SCFD2: variants seen among roughly 807,000 people sequenced by gnomAD.
The protein encoded by SCFD2 is sec1 family domain containing 2.
In SCFD2, 54 loss-of-function variants were observed where a neutral mutation model predicts 58.9. The ratio of observed to expected loss-of-function variants is 0.92; its 90% CI spans 0.74 to 1.15. The LOEUF is 1.15. Ranked by LOEUF, SCFD2 falls within the 50% of genes most tolerant of loss-of-function variation. The probability of loss-of-function intolerance (pLI) is 0.00; values close to 1 mark genes in which losing one functional copy is unlikely to be tolerated. For missense variants in SCFD2, 805 were observed against 836.6 expected, an observed-to-expected ratio of 0.96 and a Z score of 0.47; for synonymous variants, 321 against 335.9, an observed-to-expected ratio of 0.96 and a Z score of 0.49.
intron 4 of SCFD2, among the ~76,000 whole-genome samples, chr4:53,237,813 CA>C (rs1729700729): frequency 9.4e-5 from 2 of 21,170 alleles, no homozygotes; most frequent in African/African-American, 4.1e-4. Context: ...GCTGGCCGGG[CA>C]GAGGGGCTCC....
intron 5 of SCFD2, among the ~76,000 whole-genome samples, chr4:53,024,280 T>C (rs1722418686): frequency 6.6e-6 from 1 of 152,180 alleles, no homozygotes; most frequent in African/African-American, 2.4e-5. Flanking sequence ...TGGCTCAATC[T>C]TTTCTTATTT....
At chr4:53,216,410 C>G (rs9683477) in intron 4 of SCFD2, among the ~76,000 whole-genome samples, 19,886 of 152,150 alleles carry the variant, frequency 0.13, 1,437 homozygotes, top group East Asian at 0.23. Context: ...TCCATTTCTT[C>G]TAGATTTTCT....
chr4:53,069,349 A>C (rs1361033337), intron 5 of SCFD2, among the ~76,000 whole-genome samples: 1 of 152,066 alleles, frequency 6.6e-6, no homozygotes, highest in Non-Finnish European at 1.5e-5. Flanking sequence ...CTGCAATTCT[A>C]ATTCACATTA....
chr4:53,017,876 A>T (rs550623786), intron 5 of SCFD2, among the ~76,000 whole-genome samples: 3 of 142,782 alleles, frequency 2.1e-5, no homozygotes, highest in Admixed American at 7.1e-5. Flanking sequence ...CTGGTAGGTC[A>T]TTCCCCAAAG....
Position 53,299,926 on chromosome 4 carries a change from C to T in SCFD2, c.1135+13710G>A, listed in dbSNP as rs563375267. ...AGATTTTTGTCACCACCAAGCCTGC[C>T]CTAAAAGAGCTCCTGAAGGAAGCAC... On this transcript the variant is annotated intron_variant, in intron 3 of 8. Transcript: ENST00000401642. Among the ~76,000 whole-genome samples, 3 of 152,258 alleles carry T rather than the reference C, an allele frequency of 2.0e-5. No individual in the cohort carries two copies. In the South Asian group the frequency reaches 6.2e-4, roughly 32 times the overall value.
At chr4:53,180,130 T>G (rs910589641) in intron 4 of SCFD2, among the ~76,000 whole-genome samples, 5 of 152,200 alleles carry the variant, frequency 3.3e-5, no homozygotes, top group Non-Finnish European at 5.9e-5. Context: ...GGAATTGAAC[T>G]CAGCTCTGCA....
intron 5 of SCFD2, among the ~76,000 whole-genome samples, chr4:53,066,510 T>G (rs530383044): frequency 6.6e-6 from 1 of 152,228 alleles, no homozygotes; most frequent in East Asian, 1.9e-4. Flanking sequence ...ACAGATTTTA[T>G]GGTGAAACAA....
rs546617367 is a variant in SCFD2, at chr4:53,311,929, C to T, written c.1135+1707G>A. Among the ~76,000 whole-genome samples the T allele has an allele frequency of 2.6e-5, 4 of 152,158 alleles. No homozygotes were observed. In the South Asian group the frequency reaches 6.2e-4, roughly 24 times the overall value. On this transcript the variant is annotated intron_variant, in intron 3 of 8. Coordinates refer to ENST00000401642, the MANE Select transcript of SCFD2 (RefSeq NM_152540.4). Reference sequence around the variant, plus strand: ...GATTATAGTCGAGAGCCACTGCGTCCGGCCGATTCACAATATTAATTAGTT... The same window carrying T: ...GATTATAGTCGAGAGCCACTGCGTCTGGCCGATTCACAATATTAATTAGTT...
At chr4:52,944,407 C>T (rs1720369860) in intron 5 of SCFD2, among the ~76,000 whole-genome samples, 1 of 152,084 alleles carries the variant, frequency 6.6e-6, no homozygotes, top group African/African-American at 2.4e-5. Context: ...ATATCTGGGA[C>T]TTAAGAGAAG....
At chr4:53,289,587 A>G (rs1731774419) in intron 3 of SCFD2, among the ~76,000 whole-genome samples, 1 of 152,142 alleles carries the variant, frequency 6.6e-6, no homozygotes, top group African/African-American at 2.4e-5. Context: ...AAACAACCAG[A>G]AAACAATTAA....
chr4:53,034,889 G>T (rs1158963839), intron 5 of SCFD2, among the ~76,000 whole-genome samples: 2 of 152,120 alleles, frequency 1.3e-5, no homozygotes, highest in African/African-American at 4.8e-5. Context: ...TGTGAAAATG[G>T]CCATACTGCC....
chr4:53,138,440 T>C (rs1726007899), intron 5 of SCFD2, among the ~76,000 whole-genome samples: 1 of 152,254 alleles, frequency 6.6e-6, no homozygotes, highest in South Asian at 2.1e-4. Context: ...AATGGTTTTC[T>C]TTGTTTTCTC....
Position 52,873,174 on chromosome 4 carries a change from C to G in SCFD2, c.*795G>C, listed in dbSNP as rs574178646. 1 of 152,186 alleles carries G rather than the reference C, an allele frequency of 6.6e-6. No individual in the cohort carries two copies. Among genetic ancestry groups the G allele is most frequent in the Non-Finnish European group, 1.5e-5 (1 of 68,018 alleles). 9.4% of individuals were successfully genotyped at this position (152,186 alleles called of 1,614,324 possible). ...TTACAGAAAAGAAAGCTTTATATTT[C>G]AATCAAAACTCATACCCACAAAGTC... On this transcript the variant is annotated 3_prime_UTR_variant, in exon 9 of 9. Transcript: ENST00000401642.
intron 6 of SCFD2, among the ~76,000 whole-genome samples, chr4:52,913,386 A>T (rs1719531607): frequency 6.6e-6 from 1 of 152,070 alleles, no homozygotes; most frequent in Non-Finnish European, 1.5e-5. Context: ...TTCTCCTAGG[A>T]TCACAAACCC....
Position 53,340,377 on chromosome 4 carries a change from T to A in SCFD2, c.1007+12221A>T, listed in dbSNP as rs565673454. ...CTCGCTCATTGCTAGCACAGCAGTCTGAGATCAAACTACAAGGCGGCAGCG... is the reference window on the plus strand; with the variant it reads ...CTCGCTCATTGCTAGCACAGCAGTCAGAGATCAAACTACAAGGCGGCAGCG... On this transcript the variant is annotated intron_variant, in intron 2 of 8. Transcript: ENST00000401642. 3.3e-5 allele frequency among the ~76,000 whole-genome samples: 5 copies of A among 152,276 alleles called. No individual in the cohort carries two copies. The South Asian group carries it at 1.0e-3, about 32-fold the overall frequency.
At chr4:52,896,269 T>A (rs1194260722) in intron 7 of SCFD2, among the ~76,000 whole-genome samples, 2 of 152,206 alleles carry the variant, frequency 1.3e-5, no homozygotes, top group African/African-American at 4.8e-5. Flanking sequence ...TTGCCTAGGT[T>A]TTCTTCTAAG....
chr4:52,895,541 T>C (rs1027520126), intron 7 of SCFD2, among the ~76,000 whole-genome samples: 6 of 152,228 alleles, frequency 3.9e-5, no homozygotes, highest in Admixed American at 6.5e-5. Context: ...ATGGTGTATA[T>C]GTGCCACATT....
intron 3 of SCFD2, among the ~76,000 whole-genome samples, chr4:53,291,096 T>C (rs1420486523): frequency 1.3e-5 from 2 of 152,118 alleles, no homozygotes; most frequent in Non-Finnish European, 2.9e-5. Context: ...ACATATTTTA[T>C]AAGGCCAGTA....
chr4:53,359,259 A>G (rs1274001723), intron 1 of SCFD2, among the ~76,000 whole-genome samples: 1 of 152,224 alleles, frequency 6.6e-6, no homozygotes, highest in Non-Finnish European at 1.5e-5. Flanking sequence ...ATATAAATAT[A>G]TAAATTTTCT....
Sources: allele counts gnomAD v4.1 joint callset (sites outside exome capture counted in the v4.1 genomes callset), GRCh38; gene constraint gnomAD v4.1.1; transcripts MANE v1.5; gene names NCBI Gene and HGNC (gene_info 2026-07-23, HGNC 2026-07-21).